IPO11: variants seen among roughly 807,000 people sequenced by gnomAD.
IPO11 encodes importin 11.
A neutral mutation model predicts 143.2 loss-of-function variants in IPO11; 66 were observed. The ratio of observed to expected loss-of-function variants is 0.46; its 90% CI spans 0.38 to 0.57. IPO11 has a LOEUF of 0.57. Ranked by LOEUF, IPO11 falls within the 20% of genes least tolerant of loss-of-function variation. The pLI is 0.00. For missense variants in IPO11, 1,026 were observed against 1,141.0 expected, an observed-to-expected ratio of 0.90 and a Z score of 1.45; for synonymous variants, 385 against 377.8, an observed-to-expected ratio of 1.02 and a Z score of -0.22.
chr5:62,522,991 A>G (rs1441518007), intron 20 of IPO11, among the ~76,000 whole-genome samples: 1 of 152,194 alleles, frequency 6.6e-6, no homozygotes, highest in Non-Finnish European at 1.5e-5. Flanking sequence ...AGTTGTGCAC[A>G]CACACACACC....
intron 5 of IPO11, among the ~76,000 whole-genome samples, chr5:62,460,221 A>G (rs1191848361): frequency 6.6e-6 from 1 of 152,194 alleles, no homozygotes; most frequent in East Asian, 1.9e-4. Context: ...ACACATTTTT[A>G]CAAGTGGCTT....
chr5:62,612,734 CA>C (rs1745971486), intron 29 of IPO11, among the ~76,000 whole-genome samples: 1 of 152,136 alleles, frequency 6.6e-6, no homozygotes, highest in Non-Finnish European at 1.5e-5. Flanking sequence ...CCCATATAAG[CA>C]AATACTTCTT....
At chr5:62,513,414 A>ACCCCC (rs566338445) in intron 19 of IPO11, among the ~76,000 whole-genome samples, 2 of 51,030 alleles carry the variant, frequency 3.9e-5, no homozygotes, top group Non-Finnish European at 8.3e-5. Context: ...GGGGGCGCTG[A>ACCCCC]CCCCCCCCCC....
intron 27 of IPO11, among the ~76,000 whole-genome samples, chr5:62,587,313 C>T (rs970098316): frequency 6.6e-6 from 1 of 152,044 alleles, no homozygotes; most frequent in Non-Finnish European, 1.5e-5. Context: ...AGTGAATTTC[C>T]ACTATGGTTT....
chr5:62,603,464 T>G (rs906105765), intron 29 of IPO11, among the ~76,000 whole-genome samples: 2 of 152,118 alleles, frequency 1.3e-5, no homozygotes, highest in African/African-American at 4.8e-5. Context: ...ATAATTTGTA[T>G]TCATTCATTC....
chr5:62,437,563 A>G (rs1744285760), intron 2 of IPO11, 146 bp downstream of exon 2: 4 of 606,522 alleles, frequency 6.6e-6, no homozygotes, highest in South Asian at 2.5e-5. Context: ...TTATTACTTT[A>G]TGACTTCTTA....
At chr5:62,551,375 C>T in intron 26 of IPO11, 39 bp downstream of exon 26, 3 of 1,079,706 alleles carry the variant, frequency 2.8e-6, no homozygotes, top group Non-Finnish European at 4.2e-6. Flanking sequence ...AAGTCTTTAT[C>T]TAAATATAAA....
chr5:62,582,929 G>A (rs371641843), intron 27 of IPO11, among the ~76,000 whole-genome samples: 1 of 152,020 alleles, frequency 6.6e-6, no homozygotes, highest in Non-Finnish European at 1.5e-5. Flanking sequence ...TCAGAAAGGA[G>A]CTGAAAAGTA....
At chr5:62,571,238 A>G (rs1744122815) in intron 27 of IPO11, among the ~76,000 whole-genome samples, 1 of 152,106 alleles carries the variant, frequency 6.6e-6, no homozygotes, top group African/African-American at 2.4e-5. Context: ...AATACCAGAG[A>G]GAAAAATTTT....
At chr5:62,470,813 C>CTTTTTTT (rs1745739513) in intron 7 of IPO11, among the ~76,000 whole-genome samples, 1 of 76,258 alleles carries the variant, frequency 1.3e-5, no homozygotes, top group African/African-American at 5.2e-5. Flanking sequence ...AGATAGCCAT[C>CTTTTTTT]TTCTTTTTTT....
In IPO11 at chr5:62,530,943, G is replaced by A. The variant is rs540650998; in HGVS notation, c.2089+158G>A. ...CACGTTTGTTACATGGATATATTGCGTGATGTTGAGGTTTGGGGTACAATT... is the reference window on the plus strand; with the variant it reads ...CACGTTTGTTACATGGATATATTGCATGATGTTGAGGTTTGGGGTACAATT... On this transcript the variant is annotated intron_variant, in intron 22 of 29. Coordinates refer to ENST00000325324, the MANE Select transcript of IPO11 (RefSeq NM_016338.5). Among the ~76,000 whole-genome samples the A allele has an allele frequency of 9.9e-5, 15 of 152,268 alleles. No individual in the cohort carries two copies. The South Asian group carries it at 2.5e-3, about 25-fold the overall frequency.
chr5:62,537,697 T>C (rs1742783457), intron 24 of IPO11, among the ~76,000 whole-genome samples: 1 of 152,228 alleles, frequency 6.6e-6, no homozygotes, highest in African/African-American at 2.4e-5. Flanking sequence ...TATAATTTGA[T>C]AGCTTTAATT....
intron 1 of IPO11, among the ~76,000 whole-genome samples, chr5:62,418,500 C>G (rs971341544): frequency 1.3e-5 from 2 of 152,142 alleles, no homozygotes; most frequent in Non-Finnish European, 2.9e-5. Context: ...GTACAGTAAG[C>G]TATTAACAGT....
At chr5:62,422,857 A>C (rs1190650090) in intron 1 of IPO11, among the ~76,000 whole-genome samples, 1 of 152,120 alleles carries the variant, frequency 6.6e-6, no homozygotes, top group Non-Finnish European at 1.5e-5. Flanking sequence ...ATGCTTCACA[A>C]GTCTTGGATT....
At chr5:62,452,830 A>G (rs1241838379) in intron 5 of IPO11, among the ~76,000 whole-genome samples, 5 of 149,812 alleles carry the variant, frequency 3.3e-5, no homozygotes, top group South Asian at 4.2e-4. Context: ...ATAGCTCACT[A>G]CAGCCTTGAC....
intron 22 of IPO11, among the ~76,000 whole-genome samples, chr5:62,536,267 A>G (rs574368830): frequency 1.3e-5 from 2 of 152,254 alleles, no homozygotes; most frequent in East Asian, 3.9e-4. Flanking sequence ...CTAGCAGTAA[A>G]AATTTATTTT....
At chr5:62,471,580 C>A (rs939728028) in intron 7 of IPO11, among the ~76,000 whole-genome samples, 1 of 152,020 alleles carries the variant, frequency 6.6e-6, no homozygotes, top group Non-Finnish European at 1.5e-5. Flanking sequence ...TCTGGATAGA[C>A]CTTCTCACTC....
chr5:62,438,389 A>G (rs1354454226), intron 2 of IPO11, among the ~76,000 whole-genome samples: 1 of 152,194 alleles, frequency 6.6e-6, no homozygotes, highest in Middle Eastern at 3.2e-3. Context: ...ACTAAAGAAA[A>G]CATCTTATTC....
At chr5:62,519,512 T>C (rs565260844) in intron 20 of IPO11, among the ~76,000 whole-genome samples, 1 of 152,376 alleles carries the variant, frequency 6.6e-6, no homozygotes, top group South Asian at 2.1e-4. Context: ...TATACCCCTG[T>C]GTCCTTCCTA....
Sources: gnomAD v4.1 joint callset for allele counts (sites outside exome capture counted in the v4.1 genomes callset) on GRCh38, gnomAD v4.1.1 for gene constraint, MANE v1.5 for transcripts, NCBI Gene and HGNC (gene_info 2026-07-23, HGNC 2026-07-21) for gene names.